MICAL3: variants seen among roughly 807,000 people sequenced by gnomAD.
MICAL3 encodes the protein [F-actin]-monooxygenase MICAL3.
A neutral mutation model predicts 207.4 loss-of-function variants in MICAL3; 62 were observed. The ratio of observed to expected loss-of-function variants is 0.30; its 90% CI spans 0.24 to 0.37. The LOEUF (loss-of-function observed/expected upper bound fraction) is 0.37. MICAL3 is among the 10% of genes least tolerant of loss of function. The probability of loss-of-function intolerance (pLI) is 1.00; values close to 1 mark genes in which losing one functional copy is unlikely to be tolerated. For missense variants in MICAL3, 2,368 were observed against 2,635.6 expected, an observed-to-expected ratio of 0.90 and a Z score of 2.22; for synonymous variants, 1,077 against 1,069.3, an observed-to-expected ratio of 1.01 and a Z score of -0.14.
chr22:17,831,723 G>C, intron 21 of MICAL3, 131 bp downstream of exon 21: 1 of 1,415,722 alleles, frequency 7.1e-7, no homozygotes, highest in Non-Finnish European at 9.4e-7. Context: ...CTTATGTCAG[G>C]AGGGGTGGTC....
At chr22:17,876,901 G>C (rs377036937) in intron 16 of MICAL3, 1 of 40,464 alleles carries the variant, frequency 2.5e-5, no homozygotes, top group Admixed American at 2.4e-4. Context: ...ATGGAGGTTA[G>C]GGAGGTTAGG....
At chr22:18,002,364 C>T (rs1923092728) in intron 1 of MICAL3, among the ~76,000 whole-genome samples, 1 of 152,176 alleles carries the variant, frequency 6.6e-6, no homozygotes, top group South Asian at 2.1e-4. Context: ...GGCGCGGTGG[C>T]ACACGCCTGT....
At chr22:18,001,830 C>T (rs1049094892) in intron 1 of MICAL3, among the ~76,000 whole-genome samples, 1 of 152,256 alleles carries the variant, frequency 6.6e-6, no homozygotes, top group African/African-American at 2.4e-5. Flanking sequence ...CGAGAAGCCA[C>T]ATGAAGTGGC....
intron 19 of MICAL3, among the ~76,000 whole-genome samples, chr22:17,849,643 AATGTGTGT>A (rs1392356443): frequency 0.022 from 2,654 of 120,198 alleles, 91 homozygotes; most frequent in Middle Eastern, 0.061. Context: ...CCCAGAATGG[AATGTGTGT>A]GTGTGTGTGT....
chr22:17,815,642 G>A (rs2062096955), intron 27 of MICAL3: 1 of 152,476 alleles, frequency 6.6e-6, no homozygotes, highest in African/African-American at 2.4e-5. Context: ...AGGAAGCCTG[G>A]CTCTGTAGAG....
intron 27 of MICAL3, 85 bp downstream of exon 27, chr22:17,816,605 C>T (rs1345147510): frequency 3.6e-6 from 4 of 1,120,724 alleles, no homozygotes; most frequent in African/African-American, 1.6e-5. Context: ...TTGCGGTTTG[C>T]TCTCCCTCTC....
chr22:17,842,843 T>C (rs187809199), intron 19 of MICAL3, among the ~76,000 whole-genome samples: 29 of 152,256 alleles, frequency 1.9e-4, no homozygotes, highest in African/African-American at 7.0e-4. Flanking sequence ...TCACTCTGGC[T>C]GGGTGCGGTG....
intron 1 of MICAL3, among the ~76,000 whole-genome samples, chr22:17,992,879 G>A (rs563019752): frequency 6.6e-6 from 1 of 152,266 alleles, no homozygotes; most frequent in East Asian, 1.9e-4. Flanking sequence ...CTTCCCTGCT[G>A]TAAAATGGGG....
chr22:18,017,746 C>T (rs1361142186), intron 1 of MICAL3, among the ~76,000 whole-genome samples: 11 of 143,086 alleles, frequency 7.7e-5, no homozygotes, highest in East Asian at 2.1e-4. Flanking sequence ...CCACCACACC[C>T]GGCTAATTTT....
intron 17 of MICAL3, among the ~76,000 whole-genome samples, chr22:17,867,853 G>T (rs887041492): frequency 4.6e-5 from 7 of 152,206 alleles, no homozygotes; most frequent in South Asian, 2.1e-4. Context: ...AAACTAAAAT[G>T]TTATCATGGC....
intron 19 of MICAL3, chr22:17,862,647 T>A: frequency 1.0e-6 from 1 of 985,276 alleles, no homozygotes; most frequent in Non-Finnish European, 1.2e-6. Flanking sequence ...GAAATCTCTA[T>A]CAAAGGAGAA....
intron 22 of MICAL3, among the ~76,000 whole-genome samples, chr22:17,826,245 C>T (rs557852828): frequency 3.3e-5 from 5 of 149,670 alleles, no homozygotes; most frequent in Non-Finnish European, 6.0e-5. Context: ...CCTGCCCTCA[C>T]GTTTCCCTCT....
intron 1 of MICAL3, among the ~76,000 whole-genome samples, chr22:17,911,771 G>A (rs1932160913): frequency 7.8e-6 from 1 of 127,912 alleles, no homozygotes; most frequent in Admixed American, 7.4e-5. Context: ...GGTCGAAGCT[G>A]CAGTGAGCCA....
intron 21 of MICAL3, among the ~76,000 whole-genome samples, chr22:17,828,419 G>A (rs1018996295): frequency 3.9e-5 from 6 of 152,374 alleles, no homozygotes; most frequent in East Asian, 3.9e-4. Context: ...AAAAGTCCCC[G>A]TCCCTTAGTG....
intron 1 of MICAL3, among the ~76,000 whole-genome samples, chr22:18,014,776 G>A (rs553214699): frequency 2.6e-5 from 4 of 152,140 alleles, no homozygotes; most frequent in South Asian, 4.2e-4. Flanking sequence ...GGTGGAGCAC[G>A]AGGTCAGGAG....
At chr22:17,925,437 T>A (rs1329093902) in intron 1 of MICAL3, among the ~76,000 whole-genome samples, 2 of 152,202 alleles carry the variant, frequency 1.3e-5, no homozygotes, top group Non-Finnish European at 2.9e-5. Flanking sequence ...TGTGCAACCA[T>A]CACCCTGGAG....
Position 17,835,787 on chromosome 22 carries a change from G to A in MICAL3, c.2802-3680C>T, listed in dbSNP as rs114492894. ...CACTGGTGACAACGCACTGTCCTGT[G>A]AGATTGCTTGATTGGGGTCTGCCTC... On this transcript the variant is annotated intron_variant, in intron 20 of 31. Coordinates refer to ENST00000441493, the MANE Select transcript of MICAL3 (RefSeq NM_015241.3). 6.5e-3 allele frequency among the ~76,000 whole-genome samples: 993 copies of A among 152,346 alleles called. 9 individuals are homozygous for A. Among genetic ancestry groups the A allele is most frequent in the African/African-American group, 0.021 (879 of 41,568 alleles).
At chr22:17,884,386 G>T (rs1451325689) in intron 16 of MICAL3, 1 of 1,547,566 alleles carries the variant, frequency 6.5e-7, no homozygotes, top group East Asian at 2.4e-5. Flanking sequence ...AGTGTGGGTG[G>T]GGACAGGACA....
At chr22:17,842,431 G>A (rs1320622544) in intron 19 of MICAL3, 42 of 185,082 alleles carry the variant, frequency 2.3e-4, no homozygotes, top group Non-Finnish European at 6.9e-5. Context: ...CCCCCACCAG[G>A]TGCCTCCCCC....
Sources: allele counts gnomAD v4.1 joint callset (sites outside exome capture counted in the v4.1 genomes callset), GRCh38; gene constraint gnomAD v4.1.1; transcripts MANE v1.5; gene names NCBI Gene and HGNC (gene_info 2026-07-23, HGNC 2026-07-21).